Variants in PTRH1 observed in about 807,000 individuals in gnomAD.
PTRH1 encodes peptidyl-tRNA hydrolase.
In PTRH1, 13 loss-of-function variants were observed where a neutral mutation model predicts 15.7. The ratio of observed to expected loss-of-function variants is 0.83; its 90% CI spans 0.54 to 1.31. The LOEUF (loss-of-function observed/expected upper bound fraction) is 1.31. PTRH1 is among the 40% of genes most tolerant of loss of function. The pLI is 0.00. For synonymous variants in PTRH1, 139 were observed against 136.7 expected, an observed-to-expected ratio of 1.02 and a Z score of -0.12; for missense variants, 319 against 296.2, an observed-to-expected ratio of 1.08 and a Z score of -0.56.
chr9:127,711,472 C>A (rs1389078736), downstream of PTRH1: 2 of 1,613,688 alleles, frequency 1.2e-6, no homozygotes, highest in Non-Finnish European at 1.7e-6. Flanking sequence ...AGGTCATGGC[C>A]AGGCACAAAA....
chr9:127,712,700 C>T (rs748181351), downstream of PTRH1: 3 of 1,614,130 alleles, frequency 1.9e-6, no homozygotes, highest in Non-Finnish European at 2.5e-6. Flanking sequence ...ACCCCACCCT[C>T]ACCAACAGAT....
At chr9:127,709,877 A>C (rs1161570201), downstream of PTRH1, among the ~76,000 whole-genome samples, 1 of 152,184 alleles carries the variant, frequency 6.6e-6, no homozygotes, top group African/African-American at 2.4e-5. The surrounding 1 kb of genome is among the most constrained non-coding windows in gnomAD (Gnocchi z 4.7). Flanking sequence ...ACAAGGAAGC[A>C]CCTCAAAAGA....
At chr9:127,709,061 T>G (rs976535345), downstream of PTRH1, among the ~76,000 whole-genome samples, 2 of 152,220 alleles carry the variant, frequency 1.3e-5, no homozygotes, top group Admixed American at 1.3e-4. This position sits in a 1 kb window ranked among gnomAD's most constrained non-coding sequence, Gnocchi z 4.7. Context: ...GTCAAATAGG[T>G]ATAAAATCAT....
In PTRH1 at chr9:127,715,353, T is replaced by G. The variant is rs1046675126; in HGVS notation, c.97-159A>C. The stretch of plus-strand genomic sequence containing the variant: ...GCCCAGAAACCCGACCCCTGAGAAC[T>G]CCAGAAGGCTGGGCAGGCAGGGCGC... On this transcript the variant is annotated intron_variant, in intron 1 of 4. Coordinates refer to ENST00000543175, the MANE Select transcript of PTRH1 (RefSeq NM_001002913.3). This position sits in a 1 kb window ranked among gnomAD's most constrained non-coding sequence, Gnocchi z 5.8. 2 of 1,228,256 alleles carry G rather than the reference T, an allele frequency of 1.6e-6. No individual in the cohort carries two copies. The highest frequency in any genetic ancestry group is 2.3e-6 in the Non-Finnish European group (2 of 865,044). The allele number at this position is 1,228,256 out of a possible 1,614,324, so 76.1% of individuals were successfully genotyped here.
rs1564371182 is a variant in PTRH1 at position 127,715,265 on chromosome 9, C to A, written c.97-71G>T. 6.8e-7 allele frequency: 1 copy of A among 1,475,826 alleles called. No individual in the cohort carries two copies. The highest frequency in any genetic ancestry group is 9.2e-7 in the Non-Finnish European group (1 of 1,092,160). 91.4% of individuals were successfully genotyped at this position (1,475,826 alleles called of 1,614,324 possible). ...CCCCGATCTCACAGCGTCCCGTGGG[C>A]CCCAACGCAGAGGAGCGGAAACGCA... On this transcript the variant is annotated intron_variant, in intron 1 of 4. Transcript: ENST00000543175. The surrounding 1 kb of genome is among the most constrained non-coding windows in gnomAD (Gnocchi z 5.8).
chr9:127,710,349 G>C (rs971560409), downstream of PTRH1, among the ~76,000 whole-genome samples: 3 of 152,046 alleles, frequency 2.0e-5, no homozygotes, highest in Non-Finnish European at 4.4e-5. Context: ...ATCAAGGAAG[G>C]CTTCTTGGAG....
chr9:127,708,831 G>A (rs116997281), downstream of PTRH1, among the ~76,000 whole-genome samples: 287 of 152,354 alleles, frequency 1.9e-3, 2 homozygotes, highest in Admixed American at 3.2e-3. Context: ...AAAACACCAA[G>A]GTTACTGGAT....
At chr9:127,711,959 G>T, downstream of PTRH1, 1 of 1,603,306 alleles carries the variant, frequency 6.2e-7, no homozygotes, top group South Asian at 1.1e-5. Flanking sequence ...AAGTGCGTAT[G>T]GCCCACGGAG....
rs781343730 is a variant in PTRH1, at chr9:127,714,419, T to G, written c.422A>C (p.His141Pro). Reference protein sequence around the residue: ...ALKLGGSARGHNGVRSCISCL... With the variant: ...ALKLGGSARGPNGVRSCISCL... ...GCTAATGCAGGAACGGACTCCATTG[T>G]GGCCCCTTCAAGGGATATGGGAGGG... is the stretch of plus-strand genomic sequence containing the variant. The change falls in exon 4 of 5, where the codon CAC (histidine) becomes CCC (proline). Residue 141 changes from histidine (H) to proline (P), a missense_variant. Coordinates refer to ENST00000543175, the MANE Select transcript of PTRH1 (RefSeq NM_001002913.3). The G allele has an allele frequency of 1.2e-5, 20 of 1,614,064 alleles. No individual in the cohort carries two copies. The highest frequency in any genetic ancestry group is 1.7e-5 in the Non-Finnish European group (20 of 1,180,024).
downstream of PTRH1, chr9:127,710,690 C>T: frequency 6.3e-7 from 1 of 1,577,316 alleles, no homozygotes. Flanking sequence ...GGTGCGGAAG[C>T]AGGAGAATGA....
chr9:127,706,416 T>C (rs1374480130), intron 1 of PTRH1, among the ~76,000 whole-genome samples: 1 of 152,194 alleles, frequency 6.6e-6, no homozygotes, highest in African/African-American at 2.4e-5. Context: ...TAGCCATCTC[T>C]TGCTAAGTGA....
At chr9:127,709,530 G>C (rs535672656), downstream of PTRH1, 53 of 1,614,104 alleles carry the variant, frequency 3.3e-5, no homozygotes, top group Middle Eastern at 4.9e-4. The surrounding 1 kb of genome is among the most constrained non-coding windows in gnomAD (Gnocchi z 4.7). Context: ...TCAAGCGCAC[G>C]CTCAACCAGC....
At chr9:127,710,090 T>C (rs1842728721), downstream of PTRH1, among the ~76,000 whole-genome samples, 1 of 152,008 alleles carries the variant, frequency 6.6e-6, no homozygotes, top group Non-Finnish European at 1.5e-5. Flanking sequence ...CTAGGCAACA[T>C]AGCGACACTC....
rs538334793 is a variant in PTRH1 at position 127,706,984 on chromosome 9, A to C, written c.205+8451T>G. 39 of 1,601,280 alleles carry C rather than the reference A, an allele frequency of 2.4e-5. No individual in the cohort carries two copies. In the East Asian group the frequency reaches 8.5e-4, roughly 35 times the overall value. On this transcript the variant is annotated intron_variant, in intron 1 of 2. Transcript: ENST00000335223. ...TATGTACGGGACCAGCTTCCTTAGCAACCACCTGGCCTCTTCCTGGGGCCT... is the reference window on the plus strand; with the variant it reads ...TATGTACGGGACCAGCTTCCTTAGCCACCACCTGGCCTCTTCCTGGGGCCT...
downstream of PTRH1, chr9:127,712,361 G>GGA (rs1446044631): frequency 3.1e-6 from 5 of 1,613,224 alleles, no homozygotes; most frequent in Admixed American, 8.3e-5. Flanking sequence ...TGAGCAGAAG[G>GGA]GAGAGAGGGA....
chr9:127,710,671 G>A, downstream of PTRH1: 1 of 1,583,350 alleles, frequency 6.3e-7, no homozygotes, highest in Non-Finnish European at 8.6e-7. Flanking sequence ...TCACATTGCT[G>A]GAGGAGCAGG....
At chr9:127,703,078 T>C (rs1356931408) in intron 1 of PTRH1, among the ~76,000 whole-genome samples, 1 of 152,012 alleles carries the variant, frequency 6.6e-6, no homozygotes, top group Non-Finnish European at 1.5e-5. Flanking sequence ...TTGTCAGCCT[T>C]CTCCATCTGT....
intron 1 of PTRH1, among the ~76,000 whole-genome samples, chr9:127,698,876 G>T (rs1027130229): frequency 1.3e-5 from 2 of 150,590 alleles, no homozygotes; most frequent in African/African-American, 2.4e-5. Context: ...AGCTGTCCCT[G>T]TCCCAGCAGC....
exon 2 of PTRH1, chr9:127,695,085 G>GATGATA (rs1219994886): frequency 1.0e-5 from 7 of 702,306 alleles, no homozygotes; most frequent in Non-Finnish European, 1.8e-5. Flanking sequence ...TGATGATGAT[G>GATGATA]ATGATGATGG....
Sources: allele counts gnomAD v4.1 joint callset (sites outside exome capture counted in the v4.1 genomes callset), GRCh38; gene constraint gnomAD v4.1.1; non-coding constraint Gnocchi (gnomAD v3.1); transcripts MANE v1.5; gene names NCBI Gene and HGNC (gene_info 2026-07-23, HGNC 2026-07-21).